SRFBP1: variants seen among roughly 807,000 people sequenced by gnomAD.
The protein encoded by SRFBP1 is serum response factor binding protein 1, also known as serum response factor-binding protein 1.
SRFBP1 carries 47 observed loss-of-function variants against 45.5 expected under a neutral mutation model. That is an observed-to-expected ratio of 1.03 (90% CI 0.82 to 1.32). SRFBP1 has a LOEUF of 1.32. SRFBP1 is among the 40% of genes most tolerant of loss of function. The pLI is 0.00. For synonymous variants in SRFBP1, 203 were observed against 166.3 expected (o/e 1.22, Z -1.70); for missense variants, 621 against 484.6 (o/e 1.28, Z -2.64).
At chr5:122,054,865 C>T (rs941727913) in intron 2 of SRFBP1, among the ~76,000 whole-genome samples, 3 of 151,964 alleles carry the variant, frequency 2.0e-5, no homozygotes, top group African/African-American at 7.3e-5. Flanking sequence ...CATTTTTTCC[C>T]CTCAAATTTG....
At chr5:122,030,931 G>A (rs1035863602), downstream of SRFBP1, among the ~76,000 whole-genome samples, 2 of 152,058 alleles carry the variant, frequency 1.3e-5, no homozygotes, top group African/African-American at 4.8e-5. Context: ...TTGGAATCAA[G>A]GAGATTATGT....
chr5:122,015,511 C>T (rs2112701222), intron 4 of SRFBP1, among the ~76,000 whole-genome samples: 1 of 152,312 alleles, frequency 6.6e-6, no homozygotes, highest in South Asian at 2.1e-4. Context: ...AAATGAATGC[C>T]TTTGTAAGAC....
Position 122,039,470 on chromosome 5 carries a change from C to T in SRFBP1, n.311+17063C>T, listed in dbSNP as rs143938160. On this transcript the variant is annotated intron_variant and non_coding_transcript_variant, in intron 2 of 2. Coordinates refer to the SRFBP1 transcript ENST00000504881. ...AATCTATTACTTCTTTCCTTAGGCA[C>T]CTGGGCAAATAATATTTCCCAGCCT... Among the ~76,000 whole-genome samples, 157 of 152,242 alleles carry T rather than the reference C, an allele frequency of 1.0e-3. 2 individuals carry two copies. The highest frequency in any genetic ancestry group is 3.7e-3 in the African/African-American group (155 of 41,532).
chr5:122,036,411 T>C (rs1383095037), intron 2 of SRFBP1, among the ~76,000 whole-genome samples: 1 of 152,112 alleles, frequency 6.6e-6, no homozygotes, highest in African/African-American at 2.4e-5. Flanking sequence ...TTGTCACACA[T>C]TGTGCTGGGA....
At chr5:122,053,247 C>T (rs2152578457) in intron 2 of SRFBP1, among the ~76,000 whole-genome samples, 1 of 152,216 alleles carries the variant, frequency 6.6e-6, no homozygotes, top group Admixed American at 6.5e-5. Flanking sequence ...TCCTGTCTGG[C>T]TTTAGGAGGC....
downstream of SRFBP1, chr5:122,077,961 G>A: frequency 1.4e-6 from 2 of 1,474,492 alleles, no homozygotes; most frequent in South Asian, 1.5e-5. The surrounding 1 kb of genome is among the most constrained non-coding windows in gnomAD (Gnocchi z 4.9). Context: ...GGCCCGAGCA[G>A]GAGCACGGTC....
intron 2 of SRFBP1, among the ~76,000 whole-genome samples, chr5:122,038,960 A>T (rs1229172377): frequency 1.3e-5 from 2 of 152,084 alleles, no homozygotes; most frequent in Non-Finnish European, 2.9e-5. Flanking sequence ...AATGTGGCAT[A>T]TGGTAATTAT....
intron 3 of SRFBP1, among the ~76,000 whole-genome samples, chr5:121,991,420 C>G (rs569252416): frequency 6.6e-6 from 1 of 152,058 alleles, no homozygotes; most frequent in African/African-American, 2.4e-5. Context: ...AAATAATTTG[C>G]GAGTCCTGAC....
At chr5:121,983,448 A>T (rs763411685) in intron 3 of SRFBP1, among the ~76,000 whole-genome samples, 7 of 151,808 alleles carry the variant, frequency 4.6e-5, no homozygotes, top group Non-Finnish European at 8.9e-5. Flanking sequence ...AAATGTGATC[A>T]TGTTTAATCA....
intron 2 of SRFBP1, among the ~76,000 whole-genome samples, chr5:122,046,840 GTCT>G (rs1338801601): frequency 3.9e-5 from 6 of 152,240 alleles, no homozygotes; most frequent in African/African-American, 1.4e-4. Context: ...CTGCATAAAT[GTCT>G]TCTTTTGAGA....
intron 2 of SRFBP1, among the ~76,000 whole-genome samples, chr5:122,044,555 G>C (rs1188934049): frequency 6.6e-6 from 1 of 151,874 alleles, no homozygotes; most frequent in Admixed American, 6.6e-5. Flanking sequence ...ATTCTCACTG[G>C]TGTGAGATGG....
chr5:122,031,294 A>G (rs1462916980), downstream of SRFBP1, among the ~76,000 whole-genome samples: 2 of 152,214 alleles, frequency 1.3e-5, no homozygotes, highest in Admixed American at 6.5e-5. Context: ...GGAGTCTGAT[A>G]TACAGAGTTG....
chr5:122,036,362 G>A (rs1418874990), intron 2 of SRFBP1, among the ~76,000 whole-genome samples: 1 of 151,958 alleles, frequency 6.6e-6, no homozygotes, highest in Non-Finnish European at 1.5e-5. Flanking sequence ...AGACCCCAAG[G>A]ATCAGGTGAG....
rs1188984523 is a variant in SRFBP1 at position 121,994,641 on chromosome 5, G to C, written c.241G>C (p.Asp81His). ...DIVTKSALGD[D>H]INFEKIFKKP... Reference sequence around the variant, plus strand: ...AGTAACTAAATCTGCTCTTGGTGATGATATCAACTTTGAAAAAATCTTCAA... The same window carrying C: ...AGTAACTAAATCTGCTCTTGGTGATCATATCAACTTTGAAAAAATCTTCAA... The change falls in exon 4 of 8, where the codon GAT becomes CAT. Residue 81 changes from aspartate (D) to histidine (H), a missense_variant. Coordinates refer to ENST00000339397, the MANE Select transcript of SRFBP1 (RefSeq NM_152546.3). 6.3e-7 allele frequency: 1 copy of C among 1,595,592 alleles called. No individual in the cohort carries two copies. The highest frequency in any genetic ancestry group is 8.5e-7 in the Non-Finnish European group (1 of 1,172,690).
downstream of SRFBP1, among the ~76,000 whole-genome samples, chr5:122,031,378 C>T (rs947288150): frequency 4.6e-5 from 7 of 152,068 alleles, no homozygotes; most frequent in African/African-American, 1.4e-4. Context: ...AAGAATGGTC[C>T]ATGCACTGAT....
At chr5:122,017,991 A>C (rs1378949829) in intron 4 of SRFBP1, among the ~76,000 whole-genome samples, 2 of 152,220 alleles carry the variant, frequency 1.3e-5, no homozygotes, top group African/African-American at 4.8e-5. Flanking sequence ...ATATGAAAAC[A>C]TCTACACTGC....
At chr5:121,966,030 T>C (rs1752056736) in intron 1 of SRFBP1, among the ~76,000 whole-genome samples, 1 of 152,198 alleles carries the variant, frequency 6.6e-6, no homozygotes, top group South Asian at 2.1e-4. Flanking sequence ...TTTTGCACAT[T>C]GATTTTGTAT....
intron 3 of SRFBP1, among the ~76,000 whole-genome samples, chr5:121,987,679 T>C (rs1299086407): frequency 1.3e-5 from 2 of 152,214 alleles, no homozygotes; most frequent in Admixed American, 6.5e-5. Context: ...AACCCAAATA[T>C]ACTATTCCAA....
intron 3 of SRFBP1, among the ~76,000 whole-genome samples, chr5:121,988,583 G>T (rs924246365): frequency 2.6e-5 from 4 of 152,228 alleles, no homozygotes; most frequent in Admixed American, 2.0e-4. Flanking sequence ...GCTCACCTGA[G>T]CCTAGGTGTT....
Sources: gnomAD v4.1 joint callset for allele counts (sites outside exome capture counted in the v4.1 genomes callset) on GRCh38, gnomAD v4.1.1 for gene constraint, Gnocchi (gnomAD v3.1) non-coding constraint, MANE v1.5 for transcripts, NCBI Gene and HGNC (gene_info 2026-07-23, HGNC 2026-07-21) for gene names.